The following KMT2C variants were observed in gnomAD, a reference collection of about 807,000 sequenced individuals.
The protein encoded by KMT2C is lysine methyltransferase 2C, also known as histone-lysine N-methyltransferase 2C.
A neutral mutation model predicts 507.9 loss-of-function variants in KMT2C; 88 were observed. That is an observed-to-expected ratio of 0.17 (90% CI 0.15 to 0.21). The LOEUF is 0.21. KMT2C is among the 10% of genes least tolerant of loss of function. The pLI, the probability that KMT2C is intolerant of heterozygous loss-of-function variation, is 1.00. For missense variants in KMT2C, 4,954 were observed against 5,957.8 expected (o/e 0.83, Z 5.55); for synonymous variants, 2,049 against 2,080.8 (o/e 0.98, Z 0.42).
At chr7:152,137,642 T>C (rs1201754592) in intron 58 of KMT2C, 1 of 152,254 alleles carries the variant, frequency 6.6e-6, no homozygotes, top group Admixed American at 6.5e-5. Context: ...TTCTTGGCAA[T>C]GATTCCACTG....
intron 2 of KMT2C, among the ~76,000 whole-genome samples, chr7:152,340,174 G>C (rs1286949462): frequency 2.8e-5 from 4 of 143,072 alleles, no homozygotes; most frequent in African/African-American, 7.9e-5. Context: ...TTTTGGTAGA[G>C]ACAGGGATTA....
At chr7:152,318,395 G>C (rs2096741106) in intron 3 of KMT2C, among the ~76,000 whole-genome samples, 1 of 151,924 alleles carries the variant, frequency 6.6e-6, no homozygotes, top group Non-Finnish European at 1.5e-5. Flanking sequence ...CCTGAGGTCA[G>C]TTCGAAATCA....
chr7:152,253,233 A>T (rs1435214577), intron 9 of KMT2C, among the ~76,000 whole-genome samples: 4 of 152,136 alleles, frequency 2.6e-5, no homozygotes, highest in African/African-American at 7.2e-5. Flanking sequence ...TCTCCAGGAA[A>T]ATTTAAATAA....
At chr7:152,208,681 C>A (rs1407438782) in intron 23 of KMT2C, among the ~76,000 whole-genome samples, 1 of 152,148 alleles carries the variant, frequency 6.6e-6, no homozygotes, top group African/African-American at 2.4e-5. Flanking sequence ...AGGAAAAAGA[C>A]ATGTTTATCA....
At chr7:152,276,305 G>A (rs1248979678) in intron 6 of KMT2C, among the ~76,000 whole-genome samples, 2 of 151,992 alleles carry the variant, frequency 1.3e-5, no homozygotes, top group African/African-American at 2.4e-5. Flanking sequence ...ATCAAAGAAT[G>A]GATTTCCACA....
chr7:152,252,510 C>T (rs1409948383), intron 10 of KMT2C, 36 bp downstream of exon 10: 6 of 1,560,750 alleles, frequency 3.8e-6, no homozygotes, highest in Middle Eastern at 1.8e-4. Flanking sequence ...ATAAAACAAT[C>T]GACAAAACAA....
intron 1 of KMT2C, among the ~76,000 whole-genome samples, chr7:152,411,721 C>A (rs1589837650): frequency 6.6e-6 from 1 of 152,174 alleles, no homozygotes; most frequent in Admixed American, 6.5e-5. Flanking sequence ...CTGTCTACTG[C>A]TTAATTTCAA....
rs542457221 is a variant in KMT2C at position 152,371,271 on chromosome 7, G to A, written c.162-12596C>T. 2.2e-4 allele frequency among the ~76,000 whole-genome samples: 34 copies of A among 152,256 alleles called. No homozygotes were observed. In the South Asian group the frequency reaches 6.4e-3, roughly 29 times the overall value. The stretch of plus-strand genomic sequence containing the variant: ...AATAATACAAAATGTGAAAGGAGAC[G>A]TTAAATGTAAAGTTGTGGTATACTG... On this transcript the variant is annotated intron_variant, in intron 1 of 58. Coordinates refer to ENST00000262189, the MANE Select transcript of KMT2C (RefSeq NM_170606.3).
intron 16 of KMT2C, among the ~76,000 whole-genome samples, chr7:152,232,512 T>C (rs939628439): frequency 1.3e-5 from 2 of 152,134 alleles, no homozygotes; most frequent in East Asian, 3.9e-4. Context: ...TCATAAGAAA[T>C]TGCTGCTTTT....
intron 39 of KMT2C, among the ~76,000 whole-genome samples, chr7:152,173,621 TTC>T (rs1451703237): frequency 2.0e-5 from 3 of 152,224 alleles, no homozygotes; most frequent in Non-Finnish European, 4.4e-5. Flanking sequence ...AATGCGTAAT[TTC>T]TGTTTTTCTC....
intron 23 of KMT2C, among the ~76,000 whole-genome samples, chr7:152,207,955 C>G (rs1228234884): frequency 6.6e-6 from 1 of 152,162 alleles, no homozygotes; most frequent in African/African-American, 2.4e-5. Flanking sequence ...CCTCCTACAA[C>G]CAAGACTTCT....
At chr7:152,431,468 G>A (rs1156817307) in intron 1 of KMT2C, among the ~76,000 whole-genome samples, 2 of 151,862 alleles carry the variant, frequency 1.3e-5, no homozygotes, top group African/African-American at 2.4e-5. Flanking sequence ...ATGGTAGTAC[G>A]TGCCTGCAGT....
rs201570220 is a variant in KMT2C at position 152,276,954 on chromosome 7, C to A, written c.850-3087G>T. Among the ~76,000 whole-genome samples the A allele has an allele frequency of 1.0e-3, 145 of 143,152 alleles. 1 individual carries two copies. The highest frequency in any genetic ancestry group is 1.7e-3 in the Non-Finnish European group (112 of 64,710). The allele number at this position is 143,152 out of a possible 152,430, so 93.9% of individuals were successfully genotyped here. A position where few individuals can be genotyped will look rare whatever the true frequency, so the allele number is the denominator to read the frequency against. ...TCCAAGAACACAATAACAACAACAA[C>A]AAAAACTCAGTGAGAACTCGTATTA... On this transcript the variant is annotated intron_variant, in intron 6 of 58. Transcript: ENST00000262189.
Position 152,203,046 on chromosome 7 carries a change from G to A in KMT2C, c.3980C>T (p.Pro1327Leu), listed in dbSNP as rs2129135732. The change falls in exon 26 of 59, where the codon CCA becomes CTA. Residue 1327 changes from proline to leucine, a missense_variant. Pro to Leu is a moderately conservative substitution (Grantham distance 98). Coordinates refer to ENST00000262189, the MANE Select transcript of KMT2C (RefSeq NM_170606.3). ...CRDDGWSEQL[P>L]DTLVDESVSV... ...AACAGATTCATCAACTAAAGTATCTGGTAACTGCTCACTCCAGCCTGAAAC... is the reference window on the plus strand; with the variant it reads ...AACAGATTCATCAACTAAAGTATCTAGTAACTGCTCACTCCAGCCTGAAAC... 6.2e-7 allele frequency: 1 copy of A among 1,609,410 alleles called. No individual in the cohort carries two copies. The highest frequency in any genetic ancestry group is 8.5e-7 in the Non-Finnish European group (1 of 1,177,558).
intron 1 of KMT2C, among the ~76,000 whole-genome samples, chr7:152,400,962 C>A (rs778525518): frequency 3.3e-5 from 5 of 151,814 alleles, no homozygotes; most frequent in African/African-American, 1.2e-4. Flanking sequence ...TAAAATGAAT[C>A]GTGAAAATAT....
chr7:152,313,209 C>A (rs774507556), intron 4 of KMT2C, among the ~76,000 whole-genome samples: 11 of 148,118 alleles, frequency 7.4e-5, no homozygotes, highest in Non-Finnish European at 1.3e-4. Flanking sequence ...AATATATGCT[C>A]CATTACAAAT....
In KMT2C at chr7:152,163,278, C is replaced by T. The variant is rs139153777; in HGVS notation, c.10299G>A (p.Gln3433=). 226 of 1,614,202 alleles carry T rather than the reference C, an allele frequency of 1.4e-4. 1 individual carries two copies. The highest frequency in any genetic ancestry group is 1.3e-3 in the African/African-American group (97 of 75,048). ...TTATCTCAGAGCCCACCATACCATG[C>T]TGCTCCATTTCCATCCTCTGCTGCA... The part of the protein sequence containing the change: ...RALQQRMEME[Q]HGMVGSEISS... The change falls in exon 43 of 59, where the codon CAG becomes CAA. Residue 3433 remains glutamine (Q), a synonymous_variant. Transcript: ENST00000262189.
At chr7:152,400,167 C>T (rs563070958) in intron 1 of KMT2C, among the ~76,000 whole-genome samples, 46 of 152,058 alleles carry the variant, frequency 3.0e-4, no homozygotes, top group African/African-American at 1.1e-3. Context: ...AAAAACTTAG[C>T]CAGGTGTGGT....
At chr7:152,290,742 T>C (rs2096413982) in intron 6 of KMT2C, among the ~76,000 whole-genome samples, 1 of 152,068 alleles carries the variant, frequency 6.6e-6, no homozygotes, top group Non-Finnish European at 1.5e-5. Context: ...AACAAGAATA[T>C]TCATTAGGGC....
Sources: allele counts gnomAD v4.1 joint callset (sites outside exome capture counted in the v4.1 genomes callset), GRCh38; gene constraint gnomAD v4.1.1; transcripts MANE v1.5; gene names NCBI Gene and HGNC (gene_info 2026-07-23, HGNC 2026-07-21).